Variants in TENM3 observed in about 807,000 individuals in gnomAD.
TENM3 encodes teneurin transmembrane protein 3.
TENM3 carries 63 observed loss-of-function variants against 255.1 expected under a neutral mutation model. The observed-to-expected ratio is 0.25, with a 90% CI of 0.20 to 0.30. The LOEUF (loss-of-function observed/expected upper bound fraction) is 0.30. TENM3 is among the 10% of genes least tolerant of loss of function. The probability of loss-of-function intolerance (pLI) is 1.00; values close to 1 mark genes in which losing one functional copy is unlikely to be tolerated. For missense variants in TENM3, 2,929 were observed against 3,461.1 expected, an observed-to-expected ratio of 0.85 and a Z score of 3.86; for synonymous variants, 1,306 against 1,322.3, an observed-to-expected ratio of 0.99 and a Z score of 0.27.
At chr4:182,010,120 T>C in the TENM3 span, among the ~76,000 whole-genome samples, 1 of 152,240 alleles carries the variant, frequency 6.6e-6, no homozygotes, top group Admixed American at 6.5e-5. Flanking sequence ...AGCCTCCTAA[T>C]GCTGTTGCTT....
At chr4:182,080,346 AT>A in the TENM3 span, among the ~76,000 whole-genome samples, 2 of 152,330 alleles carry the variant, frequency 1.3e-5, no homozygotes, top group East Asian at 1.9e-4. Flanking sequence ...ATTGGAAGAT[AT>A]TCATGAGAAA....
At chr4:181,523,842 T>C in the TENM3 span, among the ~76,000 whole-genome samples, 847 of 152,294 alleles carry the variant, frequency 5.6e-3, 9 homozygotes, top group African/African-American at 0.019. Context: ...AGAGCAAAGC[T>C]ACACAGAAAA....
chr4:181,839,457 T>C, the TENM3 span, among the ~76,000 whole-genome samples: 1 of 146,352 alleles, frequency 6.8e-6, no homozygotes, highest in Non-Finnish European at 1.5e-5. Context: ...TTGATATATA[T>C]ATCTATATAT....
the TENM3 span, among the ~76,000 whole-genome samples, chr4:181,787,179 C>T: frequency 1.3e-5 from 2 of 152,084 alleles, no homozygotes; most frequent in East Asian, 1.9e-4. Flanking sequence ...TTTGAATTTT[C>T]GGCACAATAA....
At chr4:182,159,138 G>A (rs1233373770) in intron 1 of TENM3, among the ~76,000 whole-genome samples, 1 of 152,178 alleles carries the variant, frequency 6.6e-6, no homozygotes, top group African/African-American at 2.4e-5. Flanking sequence ...CAGGTGCCTG[G>A]CCCGGGGCCC....
intron 26 of TENM3, among the ~76,000 whole-genome samples, chr4:182,796,276 T>G (rs556692581): frequency 3.5e-4 from 54 of 152,244 alleles, no homozygotes; most frequent in Non-Finnish European, 6.8e-4. Flanking sequence ...CTTGACCAAC[T>G]ACAAAATAAA....
chr4:181,634,337 G>A, the TENM3 span, among the ~76,000 whole-genome samples: 1 of 149,276 alleles, frequency 6.7e-6, no homozygotes, highest in African/African-American at 2.5e-5. Flanking sequence ...CTCTCCAACA[G>A]ATCCATTTTC....
chr4:182,083,633 A>G, the TENM3 span, among the ~76,000 whole-genome samples: 1 of 152,228 alleles, frequency 6.6e-6, no homozygotes, highest in African/African-American at 2.4e-5. Context: ...TACATGTCAA[A>G]TCACATACTT....
At chr4:181,702,747 T>C in the TENM3 span, among the ~76,000 whole-genome samples, 1 of 152,320 alleles carries the variant, frequency 6.6e-6, no homozygotes, top group East Asian at 1.9e-4. Flanking sequence ...TATACAGGTG[T>C]AGTATTCTAT....
the TENM3 span, among the ~76,000 whole-genome samples, chr4:181,899,437 G>A: frequency 0.035 from 5,276 of 151,934 alleles, 310 homozygotes; most frequent in African/African-American, 0.12. Context: ...TACTTGATAC[G>A]GTATTTACAA....
chr4:182,218,507 T>A (rs888850878), intron 1 of TENM3, among the ~76,000 whole-genome samples: 31 of 152,184 alleles, frequency 2.0e-4, no homozygotes, highest in African/African-American at 7.2e-4. Flanking sequence ...CCCCATTTTA[T>A]AAATGAGAAA....
the TENM3 span, among the ~76,000 whole-genome samples, chr4:181,770,144 C>T: frequency 4.0e-5 from 6 of 151,794 alleles, no homozygotes; most frequent in African/African-American, 9.7e-5. Context: ...GATCCATAAA[C>T]GTGATTATGG....
At chr4:182,075,000 A>C in the TENM3 span, among the ~76,000 whole-genome samples, 1 of 152,122 alleles carries the variant, frequency 6.6e-6, no homozygotes, top group Non-Finnish European at 1.5e-5. Flanking sequence ...TCCAGTGTCC[A>C]CGGGGGTTAT....
rs1163946732 is a variant in TENM3, at chr4:182,799,901, C to G, written c.7650C>G (p.Ile2550Met). 2.5e-6 allele frequency: 4 copies of G among 1,608,654 alleles called. No homozygotes were observed. The highest frequency in any genetic ancestry group is 4.5e-5 in the East Asian group (2 of 44,670). The change falls in exon 28 of 28, where the codon ATC becomes ATG. Residue 2550 changes from isoleucine to methionine, a missense_variant. Transcript: ENST00000511685. This position sits in a 1 kb window ranked among gnomAD's most constrained non-coding sequence, Gnocchi z 4.2. ...AGGGCAAGGACACGCACTACTTCAT[C>G]AAGACCACCACGCCCGAGAGCGACC... Reference protein sequence around the residue: ...TIEGKDTHYFIKTTTPESDLG... With the variant: ...TIEGKDTHYFMKTTTPESDLG...
the TENM3 span, among the ~76,000 whole-genome samples, chr4:181,804,696 A>G: frequency 6.6e-6 from 1 of 152,234 alleles, no homozygotes; most frequent in East Asian, 1.9e-4. Flanking sequence ...CACTTTAACT[A>G]AAACTTTGGG....
chr4:181,563,720 C>A, the TENM3 span, among the ~76,000 whole-genome samples: 2 of 152,152 alleles, frequency 1.3e-5, no homozygotes, highest in African/African-American at 2.4e-5. Context: ...CATTTAATAA[C>A]CCCAAATTGT....
chr4:181,952,402 C>G, the TENM3 span, among the ~76,000 whole-genome samples: 9 of 152,262 alleles, frequency 5.9e-5, no homozygotes, highest in Admixed American at 5.2e-4. Flanking sequence ...ACCTGTCTGC[C>G]GCTGGTAATT....
the TENM3 span, among the ~76,000 whole-genome samples, chr4:181,673,409 C>T: frequency 3.6e-3 from 542 of 152,076 alleles, 2 homozygotes; most frequent in Non-Finnish European, 5.7e-3. Context: ...TATCATGTAA[C>T]GTCATATAAA....
At chr4:181,634,974 T>A in the TENM3 span, among the ~76,000 whole-genome samples, 1 of 152,164 alleles carries the variant, frequency 6.6e-6, no homozygotes, top group Non-Finnish European at 1.5e-5. Context: ...GGGGATTTCA[T>A]AAGAAGCAGG....
Sources: allele counts gnomAD v4.1 joint callset (sites outside exome capture counted in the v4.1 genomes callset), GRCh38; gene constraint gnomAD v4.1.1; non-coding constraint Gnocchi (gnomAD v3.1); transcripts MANE v1.5; gene names NCBI Gene and HGNC (gene_info 2026-07-23, HGNC 2026-07-21).